The following RAD51B variants were observed in gnomAD, a reference collection of about 807,000 sequenced individuals.
RAD51B encodes the protein RAD51 paralog B, also known as DNA repair protein RAD51 homolog 2.
A neutral mutation model predicts 42.2 loss-of-function variants in RAD51B; 38 were observed. The observed-to-expected ratio is 0.90, with a 90% confidence interval of 0.70 to 1.18. RAD51B has a LOEUF of 1.18. Among genes scored for constraint, RAD51B ranks in the 50% most tolerant of loss-of-function variants. The pLI, the probability that RAD51B is intolerant of heterozygous loss-of-function variation, is 0.00. For synonymous variants in RAD51B, 154 were observed against 145.2 expected, an observed-to-expected ratio of 1.06 and a Z score of -0.43; for missense variants, 373 against 400.7, an observed-to-expected ratio of 0.93 and a Z score of 0.59.
chr14:67,857,719 T>C (rs754936551), intron 4 of RAD51B, among the ~76,000 whole-genome samples: 4 of 152,216 alleles, frequency 2.6e-5, no homozygotes, highest in Admixed American at 6.5e-5. Flanking sequence ...CTAATGATAT[T>C]AATGATGGAA....
At chr14:68,414,290 C>T (rs756663463) in intron 9 of RAD51B, among the ~76,000 whole-genome samples, 2 of 152,186 alleles carry the variant, frequency 1.3e-5, no homozygotes, top group African/African-American at 2.4e-5. Flanking sequence ...TGCAAAAACT[C>T]TCTTAAGAAG....
intron 5 of RAD51B, among the ~76,000 whole-genome samples, chr14:67,868,034 G>A (rs1192654384): frequency 6.6e-6 from 1 of 152,158 alleles, no homozygotes; most frequent in African/African-American, 2.4e-5. Context: ...ATCAAAGGAG[G>A]AATAAATACA....
chr14:68,480,172 A>T (rs149114373), downstream of RAD51B, among the ~76,000 whole-genome samples: 4,274 of 152,198 alleles, frequency 0.028, 188 homozygotes, highest in African/African-American at 0.098. Flanking sequence ...TCCCGGGTTC[A>T]AGCAATTCTC....
At chr14:68,474,976 T>C (rs1882437127) in intron 10 of RAD51B, among the ~76,000 whole-genome samples, 1 of 152,164 alleles carries the variant, frequency 6.6e-6, no homozygotes, top group Non-Finnish European at 1.5e-5. Context: ...GCCCAGGCCA[T>C]TGACTTTTTG....
chr14:68,079,425 A>G (rs1193083626), intron 7 of RAD51B, among the ~76,000 whole-genome samples: 1 of 152,220 alleles, frequency 6.6e-6, no homozygotes, highest in Non-Finnish European at 1.5e-5. Context: ...CAATCCCCAG[A>G]GATCTTAAGC....
At chr14:67,982,243 A>G (rs1230665157) in intron 7 of RAD51B, among the ~76,000 whole-genome samples, 1 of 152,150 alleles carries the variant, frequency 6.6e-6, no homozygotes, top group African/African-American at 2.4e-5. Flanking sequence ...CCCCAATTGT[A>G]CACTTTAAAT....
At chr14:67,922,687 CTTTTTTT>C (rs34206440) in intron 7 of RAD51B, among the ~76,000 whole-genome samples, 1 of 132,516 alleles carries the variant, frequency 7.5e-6, no homozygotes, top group Non-Finnish European at 1.6e-5. Context: ...AATATGTAGT[CTTTTTTT>C]TTTTTTTTTC....
intron 9 of RAD51B, among the ~76,000 whole-genome samples, chr14:68,427,966 T>C (rs190071835): frequency 6.6e-6 from 1 of 152,240 alleles, no homozygotes; most frequent in East Asian, 1.9e-4. Context: ...AATGGATTAA[T>C]GCTGTTATTG....
chr14:67,864,321 A>G (rs1458197678), intron 4 of RAD51B, among the ~76,000 whole-genome samples: 1 of 152,222 alleles, frequency 6.6e-6, no homozygotes, highest in Non-Finnish European at 1.5e-5. Context: ...ATAATCTCAA[A>G]ATAGTTTTCT....
intron 7 of RAD51B, among the ~76,000 whole-genome samples, chr14:68,165,212 A>G (rs2078724240): frequency 6.6e-6 from 1 of 152,140 alleles, no homozygotes. Context: ...AAGTACTTTC[A>G]GATGTTCTTC....
chr14:68,523,662 C>T (rs944410614), intron 10 of RAD51B, among the ~76,000 whole-genome samples: 4 of 152,156 alleles, frequency 2.6e-5, no homozygotes, highest in African/African-American at 2.4e-5. Context: ...TGATGTCTAC[C>T]CTCCACTACA....
At chr14:68,412,213 T>C (rs2084439435) in intron 9 of RAD51B, among the ~76,000 whole-genome samples, 1 of 152,234 alleles carries the variant, frequency 6.6e-6, no homozygotes, top group Non-Finnish European at 1.5e-5. Flanking sequence ...TTTGGTAAAA[T>C]GTTTCATAAT....
At chr14:68,086,217 C>G (rs528821443) in intron 7 of RAD51B, among the ~76,000 whole-genome samples, 1 of 152,146 alleles carries the variant, frequency 6.6e-6, no homozygotes, top group Non-Finnish European at 1.5e-5. Flanking sequence ...GCCCAGAGGC[C>G]GGGGCTCTCC....
At chr14:68,597,669 G>C (rs1008427543), downstream of RAD51B, among the ~76,000 whole-genome samples, 1 of 152,054 alleles carries the variant, frequency 6.6e-6, no homozygotes, top group Non-Finnish European at 1.5e-5. Flanking sequence ...GGAGGGAGAG[G>C]AGCAGAAAAG....
At chr14:68,238,414 C>T (rs558610410) in intron 7 of RAD51B, among the ~76,000 whole-genome samples, 76 of 152,274 alleles carry the variant, frequency 5.0e-4, no homozygotes, top group Admixed American at 1.2e-3. Context: ...AGTTCTCTCA[C>T]CTCAGCCTCC....
chr14:68,400,403 C>T (rs2084066448), intron 8 of RAD51B, among the ~76,000 whole-genome samples: 1 of 152,190 alleles, frequency 6.6e-6, no homozygotes, highest in South Asian at 2.1e-4. Context: ...TTTTTTCCAG[C>T]ACTCAGGGAT....
At chr14:68,047,716 G>A (rs1439942024) in intron 7 of RAD51B, among the ~76,000 whole-genome samples, 2 of 151,988 alleles carry the variant, frequency 1.3e-5, no homozygotes, top group Non-Finnish European at 2.9e-5. Context: ...TATGAGGGTG[G>A]GTATAGTTAT....
intron 7 of RAD51B, among the ~76,000 whole-genome samples, chr14:68,013,869 G>T (rs2075729806): frequency 6.6e-6 from 1 of 152,098 alleles, no homozygotes. Context: ...TTAGAATTGG[G>T]ATGTGATAAA....
intron 10 of RAD51B, among the ~76,000 whole-genome samples, chr14:68,639,471 C>A (rs1423767672): frequency 6.6e-6 from 1 of 152,198 alleles, no homozygotes; most frequent in Non-Finnish European, 1.5e-5. Context: ...GATGGGTAGT[C>A]CCTGGTGGGC....
Sources: gnomAD v4.1 joint callset for allele counts (sites outside exome capture counted in the v4.1 genomes callset) on GRCh38, gnomAD v4.1.1 for gene constraint, MANE v1.5 for transcripts, NCBI Gene and HGNC (gene_info 2026-07-23, HGNC 2026-07-21) for gene names.